The following RBFOX1 variants were observed in gnomAD, a reference collection of about 807,000 sequenced individuals.
The protein encoded by RBFOX1 is RNA binding protein fox-1 homolog 1.
A neutral mutation model predicts 57.7 loss-of-function variants in RBFOX1; 8 were observed. That is an observed-to-expected ratio of 0.14 (90% CI 0.08 to 0.25). The LOEUF (loss-of-function observed/expected upper bound fraction) is 0.25, where lower values mean the gene tolerates loss of function less well. Ranked by LOEUF, RBFOX1 falls within the 10% of genes least tolerant of loss-of-function variation. The pLI is 1.00. For synonymous variants in RBFOX1, 326 were observed against 222.4 expected (o/e 1.47, Z -4.15); for missense variants, 611 against 548.5 (o/e 1.11, Z -1.14).
At chr16:7,225,251 T>C (rs939680038) in intron 4 of RBFOX1, among the ~76,000 whole-genome samples, 12 of 152,226 alleles carry the variant, frequency 7.9e-5, no homozygotes, top group African/African-American at 2.9e-4. Flanking sequence ...CACCCAAATC[T>C]CATCTTGAAT....
At chr16:6,842,068 G>A (rs140853923) in intron 3 of RBFOX1, among the ~76,000 whole-genome samples, 3,012 of 151,796 alleles carry the variant, frequency 0.02, 95 homozygotes, top group African/African-American at 0.068. Context: ...GCGTGAACCC[G>A]GGAGGCGGAA....
chr16:6,292,933 C>A (rs542936731), intron 1 of RBFOX1, among the ~76,000 whole-genome samples: 51 of 152,276 alleles, frequency 3.3e-4, no homozygotes, highest in African/African-American at 1.2e-3. Context: ...CCTGTTTCAA[C>A]CTTAAGTACA....
At chr16:5,475,892 A>G (rs955787590) in intron 2 of RBFOX1, among the ~76,000 whole-genome samples, 46 of 152,264 alleles carry the variant, frequency 3.0e-4, no homozygotes, top group African/African-American at 1.1e-3. Context: ...TGCAGTCTCA[A>G]ACTCCTGTGT....
chr16:6,226,735 C>T (rs565228933), intron 1 of RBFOX1, among the ~76,000 whole-genome samples: 1 of 152,182 alleles, frequency 6.6e-6, no homozygotes, highest in Admixed American at 6.5e-5. Flanking sequence ...TAGGCTTTGA[C>T]CCTCACTTTC....
chr16:6,520,729 C>T (rs1475532398), intron 2 of RBFOX1, among the ~76,000 whole-genome samples: 5 of 152,168 alleles, frequency 3.3e-5, no homozygotes, highest in Admixed American at 6.5e-5. Flanking sequence ...CTTAGAACCT[C>T]TAAGTGGCTT....
At chr16:7,426,890 C>A (rs1185773779) in intron 4 of RBFOX1, among the ~76,000 whole-genome samples, 3 of 152,116 alleles carry the variant, frequency 2.0e-5, no homozygotes, top group African/African-American at 7.2e-5. Context: ...TTGTTAAAAC[C>A]TCTGAGTCTG....
intron 3 of RBFOX1, among the ~76,000 whole-genome samples, chr16:6,827,921 A>G (rs1177254510): frequency 1.3e-5 from 2 of 152,226 alleles, no homozygotes; most frequent in Non-Finnish European, 2.9e-5. Context: ...ATACATTTGT[A>G]AGCAGTTTTG....
intron 4 of RBFOX1, among the ~76,000 whole-genome samples, chr16:7,117,626 G>C (rs1005808300): frequency 3.3e-5 from 5 of 152,190 alleles, no homozygotes; most frequent in African/African-American, 9.7e-5. Flanking sequence ...GCTTTTGGAA[G>C]AATCAGGTTA....
chr16:6,955,145 G>T (rs1284081808), intron 3 of RBFOX1, among the ~76,000 whole-genome samples: 3 of 151,918 alleles, frequency 2.0e-5, no homozygotes, highest in Non-Finnish European at 4.4e-5. Context: ...GGAGGTTGAG[G>T]CAGGAGGATC....
At chr16:7,709,698 G>C in intron 15 of RBFOX1, 2 of 1,183,374 alleles carry the variant, frequency 1.7e-6, no homozygotes, top group Non-Finnish European at 2.1e-6. Context: ...GGAATCAGCT[G>C]GGTTTGGGGG....
At chr16:6,495,936 T>C (rs995466926) in intron 2 of RBFOX1, among the ~76,000 whole-genome samples, 1 of 152,240 alleles carries the variant, frequency 6.6e-6, no homozygotes, top group Non-Finnish European at 1.5e-5. Context: ...TTTTCGTTCC[T>C]CCAAAGGCAT....
intron 3 of RBFOX1, among the ~76,000 whole-genome samples, chr16:7,033,733 C>T (rs2153695391): frequency 6.6e-6 from 1 of 152,246 alleles, no homozygotes; most frequent in East Asian, 1.9e-4. Flanking sequence ...GCGACTTATG[C>T]CTGTAATCCC....
chr16:7,623,993 G>A (rs542054329), intron 10 of RBFOX1, among the ~76,000 whole-genome samples: 3 of 152,184 alleles, frequency 2.0e-5, no homozygotes, highest in African/African-American at 7.2e-5. Flanking sequence ...TTCTACAACA[G>A]TGGACTGAAG....
intron 3 of RBFOX1, among the ~76,000 whole-genome samples, chr16:5,693,267 G>C (rs1378322954): frequency 6.6e-6 from 1 of 151,902 alleles, no homozygotes; most frequent in African/African-American, 2.4e-5. Flanking sequence ...TGTGGGTAAT[G>C]AGGCTTGGAA....
At chr16:7,703,487 G>T (rs73498753) in intron 14 of RBFOX1, among the ~76,000 whole-genome samples, 267 of 152,236 alleles carry the variant, frequency 1.8e-3, no homozygotes, top group African/African-American at 5.9e-3. Flanking sequence ...GATACTAATG[G>T]AAGAATAAAA....
intron 4 of RBFOX1, among the ~76,000 whole-genome samples, chr16:5,872,439 T>C (rs1251083454): frequency 6.6e-6 from 1 of 152,162 alleles, no homozygotes; most frequent in Admixed American, 6.5e-5. Flanking sequence ...ATAATCAATA[T>C]GCAATGCCTG....
In RBFOX1 at chr16:7,524,886, G is replaced by A. The variant is rs1012108022; in HGVS notation, c.270+6497G>A. Among the ~76,000 whole-genome samples, 7 of 152,202 alleles carry A rather than the reference G, an allele frequency of 4.6e-5. No homozygotes were observed. In the East Asian group the frequency reaches 7.7e-4, roughly 17 times the overall value. On this transcript the variant is annotated intron_variant, in intron 5 of 15. Transcript: ENST00000550418. The stretch of plus-strand genomic sequence containing the variant: ...TAAGGTATAGGAAAAACTTGTTCAG[G>A]GCATTCCTTTTGACTAACTAGCTAT...
At chr16:6,540,242 A>T (rs1399503071) in intron 2 of RBFOX1, among the ~76,000 whole-genome samples, 2 of 152,052 alleles carry the variant, frequency 1.3e-5, no homozygotes, top group Non-Finnish European at 2.9e-5. Context: ...TTTTGGCCTT[A>T]GAATTTGTGC....
chr16:7,163,839 T>C (rs1426715275), intron 4 of RBFOX1, among the ~76,000 whole-genome samples: 2 of 152,116 alleles, frequency 1.3e-5, no homozygotes, highest in Non-Finnish European at 2.9e-5. Flanking sequence ...GTATTGTTTT[T>C]GGTAGAGATG....
Sources: allele counts gnomAD v4.1 joint callset (sites outside exome capture counted in the v4.1 genomes callset), GRCh38; gene constraint gnomAD v4.1.1; transcripts MANE v1.5; gene names NCBI Gene and HGNC (gene_info 2026-07-23, HGNC 2026-07-21).